CNNM4: variants seen among roughly 807,000 people sequenced by gnomAD.
CNNM4 encodes cyclin and CBS domain divalent metal cation transport mediator 4.
In CNNM4, 32 loss-of-function variants were observed where a neutral mutation model predicts 53.7. That is an observed-to-expected ratio of 0.60 (90% CI 0.45 to 0.80). The LOEUF (loss-of-function observed/expected upper bound fraction) is 0.80, where lower values mean the gene tolerates loss of function less well. CNNM4 is among the 30% of genes least tolerant of loss of function. The probability of loss-of-function intolerance (pLI) is 0.00; values close to 1 mark genes in which losing one functional copy is unlikely to be tolerated. For synonymous variants in CNNM4, 410 were observed against 440.0 expected, an observed-to-expected ratio of 0.93 and a Z score of 0.85; for missense variants, 784 against 1,022.0, an observed-to-expected ratio of 0.77 and a Z score of 3.17.
At chr2:96,764,690 A>G (rs2078797257) in intron 1 of CNNM4, among the ~76,000 whole-genome samples, 1 of 152,156 alleles carries the variant, frequency 6.6e-6, no homozygotes, top group Non-Finnish European at 1.5e-5. Context: ...GTACATCTGC[A>G]ATTTAAGAGT....
chr2:96,789,452 C>T lies in CNNM4; in HGVS notation c.1403-7560C>T, dbSNP rs187010781. On this transcript the variant is annotated intron_variant, in intron 1 of 6. Transcript: ENST00000377075. ...CCCTCCGGGGTTTCTGGAGGCCTCA[C>T]ATGGTGTTCTTTGACTGTGGAGGGC... Among the ~76,000 whole-genome samples the T allele has an allele frequency of 4.9e-4, 75 of 152,222 alleles. No individual in the cohort carries two copies. In the East Asian group the frequency reaches 0.014, roughly 29 times the overall value.
chr2:96,798,067 C>G (rs971103107), intron 3 of CNNM4, among the ~76,000 whole-genome samples: 7 of 151,948 alleles, frequency 4.6e-5, no homozygotes, highest in East Asian at 1.9e-4. Context: ...CTCCTGTAGT[C>G]CCAGCTACTT....
At chr2:96,805,843 A>G (rs867401301) in intron 5 of CNNM4, among the ~76,000 whole-genome samples, 61 of 150,310 alleles carry the variant, frequency 4.1e-4, no homozygotes, top group African/African-American at 1.4e-3. Flanking sequence ...TCCCATGTCT[A>G]CTTCTTTCCA....
At chr2:96,772,253 T>C (rs878919) in intron 1 of CNNM4, among the ~76,000 whole-genome samples, 71,460 of 126,982 alleles carry the variant, frequency 0.56, 19,871 homozygotes, top group African/African-American at 0.8. Flanking sequence ...GGCAGGCGCT[T>C]ACACACCCCA....
chr2:96,785,902 A>G (rs2079012393), intron 1 of CNNM4, among the ~76,000 whole-genome samples: 1 of 152,034 alleles, frequency 6.6e-6, no homozygotes, highest in Non-Finnish European at 1.5e-5. Context: ...CCTAGCTAAC[A>G]TGGTGAAACC....
chr2:96,804,226 ATTT>A (rs772324853), intron 5 of CNNM4, among the ~76,000 whole-genome samples: 5 of 127,132 alleles, frequency 3.9e-5, no homozygotes, highest in Admixed American at 8.1e-5. Context: ...CACGTCACTA[ATTT>A]TTTTTTTTTT....
rs567132133 is a variant in CNNM4, at chr2:96,776,308, G to A, written c.1402+13907G>A. Among the ~76,000 whole-genome samples, 6 of 151,872 alleles carry A rather than the reference G, an allele frequency of 4.0e-5. No homozygotes were observed. The South Asian group carries it at 1.0e-3, about 26-fold the overall frequency. On this transcript the variant is annotated intron_variant, in intron 1 of 6. Coordinates refer to ENST00000377075, the MANE Select transcript of CNNM4 (RefSeq NM_020184.4). ...CTCCGAAAGTGCTGGGATTACAGGC[G>A]TGAGCCACTGCACCCGGCCGCCATT...
At chr2:96,765,643 G>C (rs2078810083) in intron 1 of CNNM4, among the ~76,000 whole-genome samples, 1 of 152,138 alleles carries the variant, frequency 6.6e-6, no homozygotes, top group African/African-American at 2.4e-5. Context: ...CTCCTTGAGG[G>C]TAGAGGCCAT....
chr2:96,772,013 T>C (rs2078874792), intron 1 of CNNM4, among the ~76,000 whole-genome samples: 1 of 152,096 alleles, frequency 6.6e-6, no homozygotes, highest in African/African-American at 2.4e-5. Context: ...GCAGGGCTGA[T>C]TTACTGTGAA....
At chr2:96,791,188 G>A (rs1191041391) in intron 1 of CNNM4, among the ~76,000 whole-genome samples, 1 of 151,628 alleles carries the variant, frequency 6.6e-6, no homozygotes, top group Non-Finnish European at 1.5e-5. Context: ...TATAGTCCCA[G>A]CTACTCAGGA....
intron 1 of CNNM4, among the ~76,000 whole-genome samples, chr2:96,781,323 C>T (rs994104686): frequency 6.6e-6 from 1 of 151,906 alleles, no homozygotes; most frequent in Non-Finnish European, 1.5e-5. Context: ...GCCTCAGCCT[C>T]CTGAAGTGCT....
At position 96,808,122 on chromosome 2, in the gene CNNM4, A is replaced by G. The variant is rs1259454075; in HGVS notation, c.1949-439A>G. On this transcript the variant is annotated intron_variant, in intron 5 of 6. Coordinates refer to ENST00000377075, the MANE Select transcript of CNNM4 (RefSeq NM_020184.4). This position sits in a 1 kb window ranked among gnomAD's most constrained non-coding sequence, Gnocchi z 4.9. Reference sequence around the variant, plus strand: ...CAGCCTAGTCTCCAACTCTGACCTCAGGTCATCCTCCTGCCTCGGCCTCCC... The same window carrying G: ...CAGCCTAGTCTCCAACTCTGACCTCGGGTCATCCTCCTGCCTCGGCCTCCC... Among the ~76,000 whole-genome samples, 2 of 152,108 alleles carry G rather than the reference A, an allele frequency of 1.3e-5. No homozygotes were observed. The highest frequency in any genetic ancestry group is 4.8e-5 in the African/African-American group (2 of 41,426).
intron 3 of CNNM4, among the ~76,000 whole-genome samples, chr2:96,798,637 G>T (rs571233887): frequency 6.6e-6 from 1 of 152,056 alleles, no homozygotes; most frequent in Non-Finnish European, 1.5e-5. Context: ...TTTCCTGTGG[G>T]ATATTGATGC....
In CNNM4 at chr2:96,808,599, G is replaced by C; in HGVS notation, c.1987G>C (p.Ala663Pro). The part of the protein sequence containing the change: ...PAHPTPLSRS[A>P]SLSYPDRTDV... ...ACACCCCACCCCACTCAGCCGCTCA[G>C]CCTCCCTCAGTTACCCAGACCGCAC... The change falls in exon 6 of 7, where the codon GCC (alanine) becomes CCC (proline). Residue 663 changes from alanine to proline, a missense_variant. Physicochemically the swap from Ala to Pro is conservative, Grantham distance 27 (BLOSUM62 -1). Transcript: ENST00000377075. This position sits in a 1 kb window ranked among gnomAD's most constrained non-coding sequence, Gnocchi z 4.9. 2 of 1,614,120 alleles carry C rather than the reference G, an allele frequency of 1.2e-6. No homozygotes were observed. Among genetic ancestry groups the C allele is most frequent in the Non-Finnish European group, 1.7e-6 (2 of 1,180,018 alleles).
chr2:96,765,268 G>C (rs966788444), intron 1 of CNNM4, among the ~76,000 whole-genome samples: 2 of 150,598 alleles, frequency 1.3e-5, no homozygotes, highest in Admixed American at 6.6e-5. Context: ...CTGGGGTTAC[G>C]GGCATGTGCC....
rs1309696305 is a variant in CNNM4, at chr2:96,800,263, G to A, written c.1948+615G>A. 6.6e-6 allele frequency among the ~76,000 whole-genome samples: 1 copy of A among 152,052 alleles called. No homozygotes were observed. The highest frequency in any genetic ancestry group is 2.4e-5 in the African/African-American group (1 of 41,378). On this transcript the variant is annotated intron_variant, in intron 5 of 6. Coordinates refer to ENST00000377075, the MANE Select transcript of CNNM4 (RefSeq NM_020184.4). This position sits in a 1 kb window ranked among gnomAD's most constrained non-coding sequence, Gnocchi z 4.6. The stretch of plus-strand genomic sequence containing the variant: ...GTGCTGAGTGGCTCAGGCTTTCCCC[G>A]CAGAGCCCCACAGACAAGGCCCCGC...
Position 96,799,193 on chromosome 2 carries a change from TA to T in CNNM4, c.1820del (p.Lys607SerfsTer23), listed in dbSNP as rs1558994536. On this transcript the variant is annotated frameshift_variant, in exon 4 of 7. Coordinates refer to ENST00000377075, the MANE Select transcript of CNNM4 (RefSeq NM_020184.4). LOFTEE classifies it high-confidence loss of function. ...CCCGCCATTACCTGTACACCCGAAATAAGCCGGCCGACTACTTCATCCTCAT... is the reference window on the plus strand; with the variant it reads ...CCCGCCATTACCTGTACACCCGAAATAGCCGGCCGACTACTTCATCCTCAT... ...YARHYLYTRN[K>X]PADYFILILQ... 1 of 1,614,024 alleles carries T rather than the reference TA, an allele frequency of 6.2e-7. No individual in the cohort carries two copies. Among genetic ancestry groups the T allele is most frequent in the Non-Finnish European group, 8.5e-7 (1 of 1,180,026 alleles).
intron 1 of CNNM4, among the ~76,000 whole-genome samples, chr2:96,770,125 A>G (rs2078856018): frequency 6.6e-6 from 1 of 152,248 alleles, no homozygotes; most frequent in Non-Finnish European, 1.5e-5. Context: ...CAGCACTGAG[A>G]GGACACTCAC....
chr2:96,779,490 C>T (rs2078954799), intron 1 of CNNM4, among the ~76,000 whole-genome samples: 1 of 125,662 alleles, frequency 8.0e-6, no homozygotes, highest in Admixed American at 9.9e-5. Flanking sequence ...GCCTGGGTGA[C>T]AGAGCAAGAC....
Sources: allele counts gnomAD v4.1 joint callset (sites outside exome capture counted in the v4.1 genomes callset), GRCh38; gene constraint gnomAD v4.1.1; non-coding constraint Gnocchi (gnomAD v3.1); transcripts MANE v1.5; gene names NCBI Gene and HGNC (gene_info 2026-07-23, HGNC 2026-07-21).